SLC17A4: variants seen among roughly 807,000 people sequenced by gnomAD.
The protein encoded by SLC17A4 is probable small intestine urate exporter.
SLC17A4 carries 33 observed loss-of-function variants against 52.5 expected under a neutral mutation model. The ratio of observed to expected loss-of-function variants is 0.63; its 90% CI spans 0.48 to 0.84. SLC17A4 has a LOEUF of 0.84. SLC17A4 is among the 40% of genes least tolerant of loss of function. The pLI, the probability that SLC17A4 is intolerant of heterozygous loss-of-function variation, is 0.00. For missense variants in SLC17A4, 585 were observed against 597.1 expected (o/e 0.98, Z 0.21); for synonymous variants, 225 against 216.2 (o/e 1.04, Z -0.36).
At chr6:25,761,904 C>T in intron 1 of SLC17A4, 23 bp from the exon 2 acceptor site, 1 of 1,393,592 alleles carries the variant, frequency 7.2e-7, no homozygotes, top group Non-Finnish European at 1.0e-6. Context: ...CCTGTATTTT[C>T]TTTTGTATTC....
chr6:25,773,869 G>A (rs1762682185), intron 8 of SLC17A4, among the ~76,000 whole-genome samples, 195 bp downstream of exon 8: 1 of 152,040 alleles, frequency 6.6e-6, no homozygotes, highest in Non-Finnish European at 1.5e-5. Context: ...ACTGCAGGAG[G>A]ATGATACATA....
At chr6:25,769,506 G>A (rs368113355) in intron 3 of SLC17A4, among the ~76,000 whole-genome samples, 1 of 151,560 alleles carries the variant, frequency 6.6e-6, no homozygotes, top group East Asian at 1.9e-4. Context: ...TGCAGTGAGC[G>A]GAGATCGTGC....
intron 2 of SLC17A4, chr6:25,768,332 A>C: frequency 1.0e-6 from 1 of 980,404 alleles, no homozygotes; most frequent in Non-Finnish European, 1.2e-6. Context: ...GGATTTCTCT[A>C]CAGGGATAGT....
At chr6:25,770,500 A>T in intron 5 of SLC17A4, 29 bp downstream of exon 5, 2 of 1,601,698 alleles carry the variant, frequency 1.2e-6, no homozygotes, top group Non-Finnish European at 1.7e-6. Context: ...CTCACTTTAC[A>T]TGCACTGTCC....
At chr6:25,770,547 A>T (rs1336174333) in intron 5 of SLC17A4, 76 bp downstream of exon 5, 58 of 1,265,384 alleles carry the variant, frequency 4.6e-5, no homozygotes, top group Non-Finnish European at 6.5e-5. Flanking sequence ...CAGAACCAAG[A>T]TCTTATATAT....
Position 25,769,108 on chromosome 6 carries a change from G to A in SLC17A4, c.215G>A (p.Ser72Asn). The A allele has an allele frequency of 6.2e-7, 1 of 1,613,948 alleles. No homozygotes were observed. The highest frequency in any genetic ancestry group is 8.5e-7 in the Non-Finnish European group (1 of 1,179,974). ...ATGGTGAACAACACAGCCCCACCTA[G>A]CCAGCCCAATGCTTCCACAGAACGG... ...PAMVNNTAPP[S>N]QPNASTERPS... Residue 72 changes from serine to asparagine, a missense_variant, in exon 3 of 12, where the codon AGC (serine) becomes AAC (asparagine). By Grantham distance (46) the Ser-to-Asn change is conservative. Coordinates refer to ENST00000377905, the MANE Select transcript of SLC17A4 (RefSeq NM_005495.3).
chr6:25,778,926 C>T lies in SLC17A4; in HGVS notation c.1360-128C>T. On this transcript the variant is annotated intron_variant, in intron 11 of 11. Transcript: ENST00000377905. Reference sequence around the variant, plus strand: ...ATGTACTTGAGTATTCTAGGACCAACTGGGAAGCCCATGGAAGCCAGAGTG... The same window carrying T: ...ATGTACTTGAGTATTCTAGGACCAATTGGGAAGCCCATGGAAGCCAGAGTG... 4 of 1,203,406 alleles carry T rather than the reference C, an allele frequency of 3.3e-6. No individual in the cohort carries two copies. In the Admixed American group the frequency reaches 8.3e-5, roughly 25 times the overall value. 74.5% of individuals were successfully genotyped at this position (1,203,406 alleles called of 1,614,324 possible).
chr6:25,775,281 G>A (rs1352762907), intron 8 of SLC17A4, among the ~76,000 whole-genome samples: 3 of 150,714 alleles, frequency 2.0e-5, no homozygotes, highest in Non-Finnish European at 4.4e-5. Context: ...TCAGTGAGCC[G>A]AGATTATGAC....
At chr6:25,772,934 C>T (rs1344914259) in intron 6 of SLC17A4, among the ~76,000 whole-genome samples, 1 of 152,190 alleles carries the variant, frequency 6.6e-6, no homozygotes, top group Non-Finnish European at 1.5e-5. Context: ...CTGGGTGGCT[C>T]CACTCTCTGT....
rs1190752695 is a variant in SLC17A4 at position 25,768,906 on chromosome 6, A to T, written c.92-79A>T. The T allele has an allele frequency of 3.1e-6, 4 of 1,301,380 alleles. No homozygotes were observed. In the African/African-American group the frequency reaches 4.3e-5, roughly 14 times the overall value. The allele number at this position is 1,301,380 out of a possible 1,614,324, so 80.6% of individuals were successfully genotyped here. On this transcript the variant is annotated intron_variant, in intron 2 of 11. Coordinates refer to ENST00000377905, the MANE Select transcript of SLC17A4 (RefSeq NM_005495.3). Reference sequence around the variant, plus strand: ...ATTTCTGCATCTCAGACAGATACCAATCTTCTCCTTCTTCCAGACTTAGGG... The same window carrying T: ...ATTTCTGCATCTCAGACAGATACCATTCTTCTCCTTCTTCCAGACTTAGGG...
intron 10 of SLC17A4, 98 bp downstream of exon 10, chr6:25,777,057 AG>A (rs1762984104): frequency 7.4e-7 from 1 of 1,343,696 alleles, no homozygotes. Flanking sequence ...CAGGTACAAC[AG>A]GTTGCAGGAA....
intron 10 of SLC17A4, 115 bp downstream of exon 10, chr6:25,777,074 A>G (rs1227712763): frequency 5.3e-6 from 6 of 1,130,122 alleles, no homozygotes; most frequent in Non-Finnish European, 7.5e-6. Flanking sequence ...AGGAAATGTC[A>G]GCACCAGCTC....
chr6:25,759,251 G>A (rs970293786), intron 1 of SLC17A4, among the ~76,000 whole-genome samples: 2 of 152,156 alleles, frequency 1.3e-5, no homozygotes, highest in East Asian at 1.9e-4. Context: ...CCCATGTGCT[G>A]ATGAATAGAA....
chr6:25,773,290 CTTG>C lies in SLC17A4; in HGVS notation c.727_729del (p.Cys243del), dbSNP rs1242333901. On this transcript the variant is annotated inframe_deletion, in exon 7 of 12. Transcript: ENST00000377905. ...CTTTTCCTAGGAGGAATTGGCTGTG[CTTG>C]TTGTCCTCTCTGGTTTCCTCTCATT... 6.2e-7 allele frequency: 1 copy of C among 1,613,736 alleles called. No homozygotes were observed. The highest frequency in any genetic ancestry group is 8.5e-7 in the Non-Finnish European group (1 of 1,179,668).
chr6:25,773,316 A>G lies in SLC17A4; in HGVS notation c.748A>G (p.Ile250Val), dbSNP rs1167683618. 6.2e-7 allele frequency: 1 copy of G among 1,613,924 alleles called. No homozygotes were observed. The highest frequency in any genetic ancestry group is 2.2e-5 in the East Asian group (1 of 44,880). ...CACCPLWFPL[I>V]YDDPVNHPFI... The stretch of plus-strand genomic sequence containing the variant: ...TTGTTGTCCTCTCTGGTTTCCTCTC[A>G]TTTATGATGATCCTGTGAATCATCC... The change falls in exon 7 of 12, where the codon ATT (isoleucine) becomes GTT (valine). Residue 250 changes from isoleucine to valine, a missense_variant. Ile to Val is a conservative substitution (Grantham distance 29). Transcript: ENST00000377905.
chr6:25,775,648 G>C (rs1417162243), intron 8 of SLC17A4, among the ~76,000 whole-genome samples: 2 of 151,930 alleles, frequency 1.3e-5, no homozygotes, highest in East Asian at 3.9e-4. Flanking sequence ...GGCTGGTCTC[G>C]AACTCCTGAG....
chr6:25,769,325 T>A, intron 3 of SLC17A4, 135 bp downstream of exon 3: 1 of 846,914 alleles, frequency 1.2e-6, no homozygotes, highest in Non-Finnish European at 1.8e-6. Context: ...CACAAGTACC[T>A]AAGTATCAGG....
In SLC17A4 at chr6:25,770,258, G is replaced by A. The variant is rs1447330857; in HGVS notation, c.489G>A (p.Val163=). ...LFIPLAANAG[V]ALLIVLRIVQ... Reference sequence around the variant, plus strand: ...TTCCACTGGCAGCTAATGCGGGAGTGGCCTTGCTCATTGTCCTCCGGATTG... The same window carrying A: ...TTCCACTGGCAGCTAATGCGGGAGTAGCCTTGCTCATTGTCCTCCGGATTG... Residue 163 remains valine (V), a synonymous_variant, in exon 4 of 12, where the codon GTG becomes GTA. Coordinates refer to ENST00000377905, the MANE Select transcript of SLC17A4 (RefSeq NM_005495.3). 1.2e-6 allele frequency: 2 copies of A among 1,614,078 alleles called. No individual in the cohort carries two copies. The highest frequency in any genetic ancestry group is 3.3e-5 in the Admixed American group (2 of 59,996).
intron 11 of SLC17A4, among the ~76,000 whole-genome samples, chr6:25,778,754 G>T: frequency 6.6e-6 from 1 of 152,190 alleles, no homozygotes; most frequent in East Asian, 1.9e-4. Context: ...TAACTACAAT[G>T]ATCAAGGAAG....
Sources: allele counts gnomAD v4.1 joint callset (sites outside exome capture counted in the v4.1 genomes callset), GRCh38; gene constraint gnomAD v4.1.1; transcripts MANE v1.5; gene names NCBI Gene and HGNC (gene_info 2026-07-23, HGNC 2026-07-21).